Variants in AGPS observed in about 807,000 individuals in gnomAD.
AGPS encodes the protein alkyldihydroxyacetonephosphate synthase, peroxisomal.
In AGPS, 26 loss-of-function variants were observed where a neutral mutation model predicts 90.7. The ratio of observed to expected loss-of-function variants is 0.29; its 90% confidence interval spans 0.21 to 0.40. The LOEUF is 0.40. Ranked by LOEUF, AGPS falls within the 10% of genes least tolerant of loss-of-function variation. The pLI, the probability that AGPS is intolerant of heterozygous loss-of-function variation, is 1.00. For missense variants in AGPS, 540 were observed against 816.1 expected (o/e 0.66, Z 4.12); for synonymous variants, 294 against 285.3 (o/e 1.03, Z -0.31).
intron 3 of AGPS, among the ~76,000 whole-genome samples, chr2:177,434,642 CT>C (rs989929213): frequency 6.6e-6 from 1 of 152,060 alleles, no homozygotes; most frequent in African/African-American, 2.4e-5. Context: ...ATCTGGCAAA[CT>C]TTTTATCCTC....
At chr2:177,500,537 A>G (rs1688533285) in intron 14 of AGPS, among the ~76,000 whole-genome samples, 1 of 151,864 alleles carries the variant, frequency 6.6e-6, no homozygotes, top group South Asian at 2.1e-4. Context: ...GTGTTTTAGA[A>G]TGCCCCACTT....
Position 177,538,148 on chromosome 2 carries a change from G to A in AGPS, c.1930G>A (p.Glu644Lys), listed in dbSNP as rs2079200430. Residue 644 changes from glutamate to lysine, a missense_variant, in exon 20 of 20, where the codon GAA becomes AAA. Glu to Lys is a moderately conservative substitution (Grantham distance 56). This residue lies in a region of AGPS where 405 missense variants were observed against 692.1 expected (regional missense o/e 0.59). Transcript: ENST00000264167. Reference protein sequence around the residue: ...VGFGMLKSVKEYVDPNNIFGN... With the variant: ...VGFGMLKSVKKYVDPNNIFGN... ...CTTTGGGATGCTGAAGTCTGTCAAGGAATATGTGGACCCCAATAACATCTT... is the reference window on the plus strand; with the variant it reads ...CTTTGGGATGCTGAAGTCTGTCAAGAAATATGTGGACCCCAATAACATCTT... 1 of 1,612,806 alleles carries A rather than the reference G, an allele frequency of 6.2e-7. No homozygotes were observed. Among genetic ancestry groups the A allele is most frequent in the African/African-American group, 1.3e-5 (1 of 74,786 alleles).
At chr2:177,522,504 C>T (rs1317513862) in intron 18 of AGPS, among the ~76,000 whole-genome samples, 1 of 152,154 alleles carries the variant, frequency 6.6e-6, no homozygotes, top group East Asian at 1.9e-4. Context: ...GGCTGGAGTG[C>T]AGTGGCGTGA....
At chr2:177,525,034 A>G (rs1452866975) in intron 19 of AGPS, among the ~76,000 whole-genome samples, 2 of 152,224 alleles carry the variant, frequency 1.3e-5, no homozygotes, top group East Asian at 1.9e-4. Context: ...ATTGAAGATA[A>G]TATGCTCCTC....
At chr2:177,506,465 T>C (rs1688717744) in intron 15 of AGPS, among the ~76,000 whole-genome samples, 2 of 151,902 alleles carry the variant, frequency 1.3e-5, no homozygotes, top group Admixed American at 1.3e-4. Context: ...CACCTCCAAA[T>C]ACTAAATTTA....
In AGPS at chr2:177,488,336, C is replaced by G. The variant is rs941493367; in HGVS notation, c.1234-4812C>G. On this transcript the variant is annotated intron_variant, in intron 11 of 19. Transcript: ENST00000264167. ...CATGCCATTCTCCTGCCTCAGGCTC[C>G]TGAGTAGCTGGGACTACAGGCGCCC... 5.9e-5 allele frequency among the ~76,000 whole-genome samples: 9 copies of G among 152,102 alleles called. No homozygotes were observed. In the East Asian group the frequency reaches 1.7e-3, roughly 29 times the overall value.
At chr2:177,408,488 G>A (rs1216792589) in intron 1 of AGPS, among the ~76,000 whole-genome samples, 3 of 152,066 alleles carry the variant, frequency 2.0e-5, no homozygotes, top group African/African-American at 7.2e-5. Context: ...TCTCTGTATA[G>A]CCCTCATTTC....
rs754647491 is a variant in AGPS, at chr2:177,392,938, G to T, written c.149G>T (p.Arg50Leu). ...TCTGGCCATCTGCTGGGCCGGCCCC[G>T]GGAGGCTCTGAGTACCAATGAGTGC... is the stretch of plus-strand genomic sequence containing the variant. ...VLSGHLLGRPREALSTNECKA... is the reference protein window; with the variant it reads ...VLSGHLLGRPLEALSTNECKA... Residue 50 changes from arginine (R) to leucine (L), a missense_variant, in exon 1 of 20, where the codon CGG becomes CTG. Physicochemically the swap from Arg to Leu is moderately radical, Grantham distance 102. Transcript: ENST00000264167. The T allele has an allele frequency of 2.6e-6, 4 of 1,550,098 alleles. No homozygotes were observed. Among genetic ancestry groups the T allele is most frequent in the Admixed American group, 2.0e-5 (1 of 51,006 alleles).
At chr2:177,406,254 T>A (rs185631462) in intron 1 of AGPS, among the ~76,000 whole-genome samples, 4 of 152,344 alleles carry the variant, frequency 2.6e-5, no homozygotes, top group Admixed American at 1.3e-4. Context: ...TTCATTCTAT[T>A]ACCAGACCAA....
chr2:177,396,570 T>G (rs1028219916), intron 1 of AGPS, among the ~76,000 whole-genome samples: 1 of 152,144 alleles, frequency 6.6e-6, no homozygotes, highest in African/African-American at 2.4e-5. Context: ...GCTACAGTGT[T>G]AAGAATGGAT....
intron 2 of AGPS, among the ~76,000 whole-genome samples, chr2:177,429,741 C>T (rs1484866367): frequency 6.6e-6 from 1 of 152,198 alleles, no homozygotes. Context: ...CCTGGATGCT[C>T]CCATAGGGTG....
At chr2:177,512,902 A>C (rs1359739688) in intron 16 of AGPS, among the ~76,000 whole-genome samples, 1 of 149,130 alleles carries the variant, frequency 6.7e-6, no homozygotes, top group Admixed American at 6.7e-5. Flanking sequence ...GGAGTGCAGT[A>C]GTGCGATGTT....
chr2:177,433,562 A>C (rs1437284941), intron 2 of AGPS, among the ~76,000 whole-genome samples: 1 of 152,186 alleles, frequency 6.6e-6, no homozygotes, highest in East Asian at 1.9e-4. Context: ...TTTCTTGAAT[A>C]TGAGTCATAC....
intron 17 of AGPS, among the ~76,000 whole-genome samples, chr2:177,519,810 G>A (rs1052804862): frequency 2.0e-5 from 3 of 152,162 alleles, no homozygotes; most frequent in Non-Finnish European, 1.5e-5. Context: ...AGAATTCAGG[G>A]CAAGTCCACA....
At chr2:177,466,093 G>A (rs907976311) in intron 9 of AGPS, among the ~76,000 whole-genome samples, 2 of 152,162 alleles carry the variant, frequency 1.3e-5, no homozygotes, top group African/African-American at 4.8e-5. Flanking sequence ...CCAGCTCTCA[G>A]CAGAGAGCCC....
At chr2:177,526,227 C>CTTTTT (rs749224337) in intron 19 of AGPS, among the ~76,000 whole-genome samples, 44 of 124,266 alleles carry the variant, frequency 3.5e-4, no homozygotes, top group Middle Eastern at 4.2e-3. Context: ...AGCTTCTTGT[C>CTTTTT]TTTTTTTTTT....
chr2:177,406,058 G>C (rs1254349985), intron 1 of AGPS, among the ~76,000 whole-genome samples: 3 of 152,106 alleles, frequency 2.0e-5, no homozygotes, highest in Non-Finnish European at 4.4e-5. Flanking sequence ...AGTTCTTGCT[G>C]AGCTCCATCC....
intron 11 of AGPS, among the ~76,000 whole-genome samples, chr2:177,483,814 T>C (rs2105695407): frequency 6.6e-6 from 1 of 152,328 alleles, no homozygotes; most frequent in South Asian, 2.1e-4. Flanking sequence ...GTATTTGTTA[T>C]ACTAAAGTAA....
intron 13 of AGPS, 24 bp downstream of exon 13, chr2:177,497,789 A>C: frequency 8.0e-7 from 1 of 1,251,302 alleles, no homozygotes; most frequent in African/African-American, 1.5e-5. Flanking sequence ...TAAAATGCTA[A>C]AATTGTAAAT....
Sources: allele counts gnomAD v4.1 joint callset (sites outside exome capture counted in the v4.1 genomes callset), GRCh38; gene constraint gnomAD v4.1.1; regional missense constraint gnomAD v4.1.1; transcripts MANE v1.5; gene names NCBI Gene and HGNC (gene_info 2026-07-23, HGNC 2026-07-21).